The following APBA1 variants were observed in gnomAD, a reference collection of about 807,000 sequenced individuals.
APBA1 encodes the protein amyloid beta precursor protein binding family A member 1.
In APBA1, 55 loss-of-function variants were observed where a neutral mutation model predicts 86.6. The ratio of observed to expected loss-of-function variants is 0.64; its 90% CI spans 0.51 to 0.80. APBA1 has a LOEUF of 0.80. APBA1 is among the 30% of genes least tolerant of loss of function. APBA1 has a pLI of 0.00. For missense variants in APBA1, 1,090 were observed against 1,183.0 expected (o/e 0.92, Z 1.15); for synonymous variants, 511 against 493.9 (o/e 1.03, Z -0.46).
At chr9:69,557,255 T>C (rs1836877288) in intron 1 of APBA1, among the ~76,000 whole-genome samples, 1 of 152,164 alleles carries the variant, frequency 6.6e-6, no homozygotes, top group African/African-American at 2.4e-5. Context: ...CTTCTCAGGG[T>C]CACATAGCTC....
At chr9:69,621,895 G>A (rs1016053923) in intron 1 of APBA1, among the ~76,000 whole-genome samples, 8 of 152,152 alleles carry the variant, frequency 5.3e-5, no homozygotes, top group African/African-American at 1.4e-4. Flanking sequence ...TAATTGGAAC[G>A]CAGTGTTGGC....
At chr9:69,515,581 A>C (rs1836122543) in intron 2 of APBA1, among the ~76,000 whole-genome samples, 1 of 151,066 alleles carries the variant, frequency 6.6e-6, no homozygotes, top group East Asian at 1.9e-4. Flanking sequence ...TCCCCTTTGC[A>C]ATAATCCTTT....
intron 1 of APBA1, among the ~76,000 whole-genome samples, chr9:69,605,783 C>A (rs184698494): frequency 6.6e-6 from 1 of 152,318 alleles, no homozygotes. Flanking sequence ...ATTTTTAAAT[C>A]ATCAAACTGA....
intron 1 of APBA1, among the ~76,000 whole-genome samples, chr9:69,556,674 A>T: frequency 6.6e-6 from 1 of 152,214 alleles, no homozygotes; most frequent in East Asian, 1.9e-4. Context: ...TAACTGTGAC[A>T]GGTTGTTTTA....
intron 1 of APBA1, among the ~76,000 whole-genome samples, chr9:69,667,109 A>C (rs1255756434): frequency 6.6e-6 from 1 of 152,200 alleles, no homozygotes; most frequent in African/African-American, 2.4e-5. Context: ...CCATTGTTTT[A>C]CTATAAACTT....
chr9:69,502,368 C>T (rs952681851), intron 2 of APBA1, among the ~76,000 whole-genome samples: 1 of 152,022 alleles, frequency 6.6e-6, no homozygotes, highest in Non-Finnish European at 1.5e-5. Flanking sequence ...GGCAATACTT[C>T]CAATCCAGGT....
At chr9:69,452,056 T>C (rs1200589685) in intron 9 of APBA1, 66 bp downstream of exon 9, 1 of 1,460,124 alleles carries the variant, frequency 6.8e-7, no homozygotes, top group Non-Finnish European at 9.5e-7. Context: ...CGCGGCAGGG[T>C]GCCCCACTTT....
At chr9:69,525,344 C>T (rs912266392) in intron 1 of APBA1, among the ~76,000 whole-genome samples, 1 of 152,076 alleles carries the variant, frequency 6.6e-6, no homozygotes, top group Non-Finnish European at 1.5e-5. Flanking sequence ...AAAGACTATG[C>T]CAAAAGGCTC....
intron 1 of APBA1, among the ~76,000 whole-genome samples, chr9:69,643,124 T>A (rs542123943): frequency 1.3e-5 from 2 of 152,134 alleles, no homozygotes; most frequent in African/African-American, 4.8e-5. Context: ...AGTTTTTAAA[T>A]CAAATTAAAC....
intron 10 of APBA1, among the ~76,000 whole-genome samples, chr9:69,442,043 T>C (rs1206382775): frequency 6.6e-6 from 1 of 152,104 alleles, no homozygotes. Context: ...TGCTGGGTGG[T>C]GGGAAGGTTT....
chr9:69,436,973 T>A (rs953019798), intron 11 of APBA1, among the ~76,000 whole-genome samples: 53 of 151,964 alleles, frequency 3.5e-4, no homozygotes, highest in Admixed American at 2.3e-3. Context: ...TTATTGAGAG[T>A]TTTTTAGCAT....
At position 69,658,260 on chromosome 9, in the gene APBA1, CTTTCTT is replaced by C. The variant is rs1564104794; in HGVS notation, c.-70+13887_-70+13892del. Among the ~76,000 whole-genome samples the C allele has an allele frequency of 1.9e-3, 40 of 21,266 alleles. 2 individuals carry two copies. The highest frequency in any genetic ancestry group is 4.6e-3 in the Admixed American group (4 of 878). 14.0% of individuals were successfully genotyped at this position (21,266 alleles called of 152,430 possible). A position where few individuals can be genotyped will look rare whatever the true frequency, so the allele number is the denominator to read the frequency against. On this transcript the variant is annotated intron_variant, in intron 1 of 12. Transcript: ENST00000265381. ...TCTTTCTTTCTTTCTTTCTTTCTTT[CTTTCTT>C]TCTTTCTTTCTTTCTTTCTCTCTCT...
intron 1 of APBA1, among the ~76,000 whole-genome samples, chr9:69,602,974 A>G (rs928211462): frequency 2.6e-5 from 4 of 152,242 alleles, no homozygotes; most frequent in African/African-American, 9.6e-5. Context: ...GACTTTTGGC[A>G]GCAAATCAAC....
At chr9:69,603,902 G>A (rs1822405908) in intron 1 of APBA1, among the ~76,000 whole-genome samples, 1 of 152,222 alleles carries the variant, frequency 6.6e-6, no homozygotes, top group African/African-American at 2.4e-5. Flanking sequence ...GGCCTCTTCA[G>A]TCTGCCCCAG....
chr9:69,591,813 G>A (rs902234428), intron 1 of APBA1, among the ~76,000 whole-genome samples: 2 of 152,196 alleles, frequency 1.3e-5, no homozygotes, highest in African/African-American at 2.4e-5. Flanking sequence ...CTTTTGAACC[G>A]AGGCCTTTCC....
At chr9:69,530,606 T>C (rs181539853) in intron 1 of APBA1, among the ~76,000 whole-genome samples, 1 of 152,224 alleles carries the variant, frequency 6.6e-6, no homozygotes, top group East Asian at 1.9e-4. Context: ...AAACCTTACC[T>C]ATCTGGTACA....
chr9:69,563,541 C>T (rs1016212302), intron 1 of APBA1, among the ~76,000 whole-genome samples: 1 of 152,200 alleles, frequency 6.6e-6, no homozygotes, highest in Non-Finnish European at 1.5e-5. Context: ...GCTACCAAAT[C>T]ACGGTGGCCA....
At chr9:69,432,430 CT>C (rs1834617559) in intron 12 of APBA1, 105 bp downstream of exon 12, 2 of 1,198,088 alleles carry the variant, frequency 1.7e-6, no homozygotes, top group Middle Eastern at 2.9e-4. Context: ...GGATTGGAAA[CT>C]CAGGGAGCTT....
At chr9:69,468,934 G>A (rs552035515) in intron 4 of APBA1, among the ~76,000 whole-genome samples, 7 of 149,450 alleles carry the variant, frequency 4.7e-5, no homozygotes, top group South Asian at 4.3e-4. Flanking sequence ...GTGTGATCTC[G>A]GCTCACTGCA....
Sources: allele counts gnomAD v4.1 joint callset (sites outside exome capture counted in the v4.1 genomes callset), GRCh38; gene constraint gnomAD v4.1.1; transcripts MANE v1.5; gene names NCBI Gene and HGNC (gene_info 2026-07-23, HGNC 2026-07-21).